Variants in HYLS1 observed in about 807,000 individuals in gnomAD.
HYLS1 encodes HYLS1 centriolar and ciliogenesis associated.
Under a neutral mutation model 29.4 loss-of-function variants are expected in HYLS1, and 25 were observed. The observed-to-expected ratio is 0.85, with a 90% confidence interval of 0.62 to 1.19. The LOEUF (loss-of-function observed/expected upper bound fraction) is 1.19. HYLS1 is among the 50% of genes most tolerant of loss of function. The pLI is 0.00. For synonymous variants in HYLS1, 128 were observed against 126.7 expected, an observed-to-expected ratio of 1.01 and a Z score of -0.07; for missense variants, 352 against 365.1, an observed-to-expected ratio of 0.96 and a Z score of 0.29.
At chr11:125,886,773 T>C (rs1944311967), upstream of HYLS1, among the ~76,000 whole-genome samples, 1 of 151,300 alleles carries the variant, frequency 6.6e-6, no homozygotes, top group South Asian at 2.1e-4. Context: ...TAGCCGGGCA[T>C]GGTGGTGCTC....
chr11:125,891,916 T>C (rs146473858), intron 2 of HYLS1, among the ~76,000 whole-genome samples: 122 of 152,352 alleles, frequency 8.0e-4, no homozygotes, highest in Non-Finnish European at 1.5e-3. Context: ...GTAGCAATTA[T>C]GCAGCATTAG....
chr11:125,896,339 A>C, intron 2 of HYLS1: 1 of 1,495,550 alleles, frequency 6.7e-7, no homozygotes. Flanking sequence ...GTCTGAAAAG[A>C]GAGCAAAGGG....
At chr11:125,896,584 A>T (rs1471262021) in intron 2 of HYLS1, among the ~76,000 whole-genome samples, 1 of 152,216 alleles carries the variant, frequency 6.6e-6, no homozygotes, top group Non-Finnish European at 1.5e-5. Flanking sequence ...GTCAAAATTC[A>T]GGGAGAATGT....
chr11:125,899,561 C>A lies in HYLS1; in HGVS notation c.193C>A (p.Pro65Thr), dbSNP rs756174271. ...SVAPGKRPAL[P>T]VQLQYPHVES... ...AGCCCCAGGGAAGCGACCTGCTCTT[C>A]CTGTGCAACTACAGTACCCACATGT... Residue 65 changes from proline (P) to threonine (T), a missense_variant, in exon 3 of 3, where the codon CCT becomes ACT. Transcript: ENST00000425380. The A allele has an allele frequency of 2.5e-6, 4 of 1,614,050 alleles. No homozygotes were observed. The African/African-American group carries it at 5.3e-5, about 22-fold the overall frequency.
At chr11:125,891,754 G>A (rs1285243582) in intron 2 of HYLS1, among the ~76,000 whole-genome samples, 1 of 152,022 alleles carries the variant, frequency 6.6e-6, no homozygotes, top group East Asian at 1.9e-4. Context: ...TCTAAAATGG[G>A]GTATTTTCTG....
chr11:125,890,240 C>CA (rs1944386353), intron 1 of HYLS1, among the ~76,000 whole-genome samples: 1 of 50,530 alleles, frequency 2.0e-5, no homozygotes, highest in South Asian at 8.4e-4. Context: ...CCACTGCGCC[C>CA]AGCTGTTTGT....
At position 125,899,811 on chromosome 11, in the gene HYLS1, T is replaced by C. The variant is rs931949237; in HGVS notation, c.443T>C (p.Phe148Ser). ...TTCCAGGAAGACAAGGAATCTTCAT[T>C]TGATGTTTCACAAAAATTTAACCTA... ...VQFQEDKESS[F>S]DVSQKFNLPH... Residue 148 changes from phenylalanine (F) to serine (S), a missense_variant, in exon 3 of 3, where the codon TTT becomes TCT. Coordinates refer to ENST00000425380, the MANE Select transcript of HYLS1 (RefSeq NM_001134793.2). 5 of 1,614,046 alleles carry C rather than the reference T, an allele frequency of 3.1e-6. No individual in the cohort carries two copies. The African/African-American group carries it at 4.0e-5, about 13-fold the overall frequency.
In HYLS1 at chr11:125,900,030, G is replaced by A. The variant is rs375332939; in HGVS notation, c.662G>A (p.Arg221Gln). ...GTAGCCCGGTATTTTGAGTACAAAC[G>A]GGACTGGGACTCAATACGTTTACCT... ...DRVARYFEYK[R>Q]DWDSIRLPGE... The change falls in exon 3 of 3, where the codon CGG becomes CAG. Residue 221 changes from arginine to glutamine, a missense_variant. Arg to Gln is a conservative substitution (Grantham distance 43, BLOSUM62 1). Coordinates refer to ENST00000425380, the MANE Select transcript of HYLS1 (RefSeq NM_001134793.2). 125 of 1,614,192 alleles carry A rather than the reference G, an allele frequency of 7.7e-5. 3 individuals carry two copies. The South Asian group carries it at 1.0e-3, about 13-fold the overall frequency.
At position 125,900,413 on chromosome 11, in the gene HYLS1, A is replaced by G. The variant is rs533939710; in HGVS notation, c.*145A>G. 4.2e-5 allele frequency: 31 copies of G among 729,866 alleles called. No individual in the cohort carries two copies. Among genetic ancestry groups the G allele is most frequent in the South Asian group, 1.8e-4 (10 of 56,906 alleles). 45.2% of individuals were successfully genotyped at this position (729,866 alleles called of 1,614,324 possible). On this transcript the variant is annotated 3_prime_UTR_variant, in exon 3 of 3. Coordinates refer to ENST00000425380, the MANE Select transcript of HYLS1 (RefSeq NM_001134793.2). ...CCTATCATTGGTCTTTCCTAGCTAT[A>G]TATCACATTGGTATCAGATGATACT...
upstream of HYLS1, among the ~76,000 whole-genome samples, chr11:125,884,331 C>G (rs745514102): frequency 3.9e-5 from 6 of 152,058 alleles, no homozygotes; most frequent in Non-Finnish European, 8.8e-5. Context: ...TTATGTTGGC[C>G]GGGCGCGGTG....
At chr11:125,884,610 A>G (rs1321903521), upstream of HYLS1, among the ~76,000 whole-genome samples, 2 of 152,258 alleles carry the variant, frequency 1.3e-5, no homozygotes, top group African/African-American at 4.8e-5. Context: ...CTCCGTCTCA[A>G]AAACAAACAA....
At position 125,899,788 on chromosome 11, in the gene HYLS1, C is replaced by G. The variant is rs1284607457; in HGVS notation, c.420C>G (p.Phe140Leu). The G allele has an allele frequency of 1.9e-6, 3 of 1,614,016 alleles. No homozygotes were observed. The highest frequency in any genetic ancestry group is 3.3e-5 in the Admixed American group (2 of 60,004). Residue 140 changes from phenylalanine to leucine, a missense_variant, in exon 3 of 3, where the codon TTC becomes TTG. Coordinates refer to ENST00000425380, the MANE Select transcript of HYLS1 (RefSeq NM_001134793.2). Reference sequence around the variant, plus strand: ...GACAAAGGCTGATGAATGTACAGTTCCAGGAAGACAAGGAATCTTCATTTG... The same window carrying G: ...GACAAAGGCTGATGAATGTACAGTTGCAGGAAGACAAGGAATCTTCATTTG... ...DLRQRLMNVQFQEDKESSFDV... is the reference protein window; with the variant it reads ...DLRQRLMNVQLQEDKESSFDV...
chr11:125,889,808 A>G (rs1424640079), intron 1 of HYLS1, among the ~76,000 whole-genome samples: 1 of 152,228 alleles, frequency 6.6e-6, no homozygotes, highest in Non-Finnish European at 1.5e-5. Flanking sequence ...CACACAGGGC[A>G]TAATAAGGAT....
At chr11:125,899,244 T>C (rs1944682350) in intron 2 of HYLS1, 100 bp from the exon 3 acceptor site, 2 of 800,500 alleles carry the variant, frequency 2.5e-6, no homozygotes, top group Non-Finnish European at 4.1e-6. Flanking sequence ...CCTTAGCCAT[T>C]CTTTCTCCAT....
chr11:125,899,251 C>T lies in HYLS1; in HGVS notation c.-25-93C>T. ...TATGATGGCCTTAGCCATTCTTTCT[C>T]CATTTGACTGCTATAAAACGGAGAT... On this transcript the variant is annotated intron_variant, in intron 2 of 2. Transcript: ENST00000425380. 3.5e-6 allele frequency: 3 copies of T among 848,756 alleles called. No homozygotes were observed. The East Asian group carries it at 7.5e-5, about 21-fold the overall frequency. 52.6% of individuals were successfully genotyped at this position (848,756 alleles called of 1,614,324 possible).
chr11:125,884,184 G>C (rs538066169), upstream of HYLS1, among the ~76,000 whole-genome samples: 1 of 152,318 alleles, frequency 6.6e-6, no homozygotes, highest in East Asian at 1.9e-4. Context: ...ATATGGATTT[G>C]ACATATCATG....
intron 2 of HYLS1, chr11:125,896,117 A>G (rs778287255): frequency 1.2e-6 from 2 of 1,614,204 alleles, no homozygotes; most frequent in South Asian, 2.2e-5. Context: ...GAGCACTGAA[A>G]TCAAATGCAC....
chr11:125,895,587 G>C (rs1565453352), intron 2 of HYLS1: 1 of 1,614,222 alleles, frequency 6.2e-7, no homozygotes, highest in African/African-American at 1.3e-5. Flanking sequence ...ATAGCGGTAA[G>C]TCCGCTCAAG....
intron 2 of HYLS1, among the ~76,000 whole-genome samples, chr11:125,897,257 T>A (rs1944616636): frequency 6.6e-6 from 1 of 152,078 alleles, no homozygotes; most frequent in African/African-American, 2.4e-5. Flanking sequence ...GATTAAAAGT[T>A]TAAATTGTAA....
Sources: allele counts gnomAD v4.1 joint callset (sites outside exome capture counted in the v4.1 genomes callset), GRCh38; gene constraint gnomAD v4.1.1; transcripts MANE v1.5; gene names NCBI Gene and HGNC (gene_info 2026-07-23, HGNC 2026-07-21).